The following RALYL variants were observed in gnomAD, a reference collection of about 807,000 sequenced individuals.
RALYL encodes the protein RNA-binding Raly-like protein.
RALYL carries 29 observed loss-of-function variants against 35.1 expected under a neutral mutation model. That is an observed-to-expected ratio of 0.83 (90% CI 0.61 to 1.13). RALYL has a LOEUF of 1.13. RALYL is among the 50% of genes most tolerant of loss of function. The pLI is 0.00. For missense variants in RALYL, 359 were observed against 360.4 expected (o/e 1.00, Z 0.03); for synonymous variants, 120 against 127.6 (o/e 0.94, Z 0.40).
At position 84,613,424 on chromosome 8, in the gene RALYL, T is replaced by C. The variant is rs1237439858; in HGVS notation, c.256+83847T>C. Among the ~76,000 whole-genome samples the C allele has an allele frequency of 2.6e-5, 4 of 151,696 alleles. No homozygotes were observed. The East Asian group carries it at 7.7e-4, about 29-fold the overall frequency. On this transcript the variant is annotated intron_variant, in intron 2 of 8. Transcript: ENST00000521268. ...TCCTGACTCTTAATGATAATAATAA[T>C]GATAACCATAGAATCCACCGGATGT...
chr8:84,321,178 C>A (rs893729119), intron 1 of RALYL, among the ~76,000 whole-genome samples: 2 of 152,022 alleles, frequency 1.3e-5, no homozygotes, highest in African/African-American at 2.4e-5. Context: ...GTGTATTTTA[C>A]CACCATTATA....
intron 2 of RALYL, among the ~76,000 whole-genome samples, chr8:84,553,442 C>A (rs1425849382): frequency 1.3e-5 from 2 of 152,118 alleles, no homozygotes; most frequent in Non-Finnish European, 1.5e-5. Context: ...CAGGTGTGAG[C>A]CACTGTCCCC....
chr8:84,664,406 T>TG (rs1831559731), intron 2 of RALYL, among the ~76,000 whole-genome samples: 1 of 151,958 alleles, frequency 6.6e-6, no homozygotes, highest in South Asian at 2.1e-4. Flanking sequence ...GCATTGAATT[T>TG]ATAAATTCCC....
chr8:84,862,934 G>A (rs1359960029), intron 6 of RALYL, among the ~76,000 whole-genome samples: 4 of 152,110 alleles, frequency 2.6e-5, no homozygotes, highest in African/African-American at 4.8e-5. Context: ...TAAGATATAT[G>A]TATCTGAAGA....
chr8:84,552,472 C>G (rs1157348547), intron 2 of RALYL, among the ~76,000 whole-genome samples: 1 of 139,890 alleles, frequency 7.1e-6, no homozygotes, highest in African/African-American at 2.7e-5. Context: ...CCAATATGAA[C>G]TCACTCATAT....
Position 84,529,435 on chromosome 8 carries a change from T to C in RALYL, c.114T>C (p.Ile38=), listed in dbSNP as rs745502644. 1 of 1,613,546 alleles carries C rather than the reference T, an allele frequency of 6.2e-7. No homozygotes were observed. The highest frequency in any genetic ancestry group is 8.5e-7 in the Non-Finnish European group (1 of 1,179,724). Residue 38 remains isoleucine (I), a synonymous_variant, in exon 2 of 9, where the codon ATT becomes ATC. Transcript: ENST00000521268. ...CGGCAATTGTCAAGAAAGTTGACAT[T>C]GAAGCCATTTTTTCAAAGTATGGAA... ...LNTAIVKKVD[I]EAIFSKYGKI... is the part of the protein sequence containing the mutation.
At chr8:84,867,922 C>T (rs1409182482) in intron 6 of RALYL, among the ~76,000 whole-genome samples, 1 of 151,996 alleles carries the variant, frequency 6.6e-6, no homozygotes, top group Non-Finnish European at 1.5e-5. Flanking sequence ...TGGTCGGGGG[C>T]AGGGGGGACC....
At chr8:84,536,290 T>C (rs1206770252) in intron 2 of RALYL, among the ~76,000 whole-genome samples, 1 of 152,170 alleles carries the variant, frequency 6.6e-6, no homozygotes, top group Non-Finnish European at 1.5e-5. Flanking sequence ...GTACCAAGAT[T>C]ACTCAGAGGC....
chr8:84,371,934 C>T (rs1193167670), intron 1 of RALYL, among the ~76,000 whole-genome samples: 1 of 151,990 alleles, frequency 6.6e-6, no homozygotes, highest in Admixed American at 6.6e-5. Context: ...GATATTGATG[C>T]TGTGTGCAGC....
At chr8:84,221,286 G>GGT (rs34244361) in intron 1 of RALYL, among the ~76,000 whole-genome samples, 1,633 of 150,672 alleles carry the variant, frequency 0.011, 32 homozygotes, top group African/African-American at 0.036. Flanking sequence ...ATGGAAAGCG[G>GGT]GTGTGTGTGT....
intron 1 of RALYL, among the ~76,000 whole-genome samples, chr8:84,352,487 T>C (rs539836955): frequency 1.3e-5 from 2 of 150,462 alleles, no homozygotes; most frequent in South Asian, 2.1e-4. Context: ...TGAGAGTGTA[T>C]ACCACTTTTG....
At chr8:84,618,522 T>C (rs1820423863) in intron 2 of RALYL, among the ~76,000 whole-genome samples, 1 of 139,634 alleles carries the variant, frequency 7.2e-6, no homozygotes, top group East Asian at 2.1e-4. Context: ...CTATCAATTT[T>C]GTTGATCCTT....
intron 1 of RALYL, among the ~76,000 whole-genome samples, chr8:84,257,917 AT>A (rs1563622467): frequency 6.6e-6 from 1 of 152,308 alleles, no homozygotes; most frequent in East Asian, 1.9e-4. Flanking sequence ...GACTATTTGG[AT>A]AAAACTGCCT....
At chr8:84,448,319 T>C (rs1253317848) in intron 1 of RALYL, among the ~76,000 whole-genome samples, 1 of 152,076 alleles carries the variant, frequency 6.6e-6, no homozygotes, top group African/African-American at 2.4e-5. Flanking sequence ...ACGTTGTGCC[T>C]GTGGTGGGCA....
chr8:84,860,571 C>A (rs1271487666), intron 5 of RALYL, among the ~76,000 whole-genome samples: 1 of 152,140 alleles, frequency 6.6e-6, no homozygotes, highest in Non-Finnish European at 1.5e-5. Context: ...GATTCTCAAG[C>A]CCCTAGTGGT....
chr8:84,615,570 CTTTTTTTTTTTTTT>C (rs60428128), intron 2 of RALYL, among the ~76,000 whole-genome samples: 10 of 67,364 alleles, frequency 1.5e-4, no homozygotes, highest in Non-Finnish European at 2.4e-4. Flanking sequence ...GAACTTTCGT[CTTTTTTTTTTTTTT>C]TTTTTTTTTT....
At chr8:84,861,489 A>G (rs1238958191) in intron 5 of RALYL, among the ~76,000 whole-genome samples, 1 of 152,078 alleles carries the variant, frequency 6.6e-6, no homozygotes, top group Non-Finnish European at 1.5e-5. Flanking sequence ...GGTGAATATC[A>G]TTTTTCACTT....
intron 4 of RALYL, among the ~76,000 whole-genome samples, chr8:84,823,611 C>T (rs557066916): frequency 6.6e-6 from 1 of 152,086 alleles, no homozygotes; most frequent in Admixed American, 6.5e-5. Context: ...TTCAACTTCC[C>T]TCTCCCTTTC....
intron 1 of RALYL, among the ~76,000 whole-genome samples, chr8:84,229,352 T>A (rs189046982): frequency 6.6e-6 from 1 of 152,064 alleles, no homozygotes. Flanking sequence ...TTGAACTGAG[T>A]CTTGAGAAAT....
Sources: gnomAD v4.1 joint callset for allele counts (sites outside exome capture counted in the v4.1 genomes callset) on GRCh38, gnomAD v4.1.1 for gene constraint, MANE v1.5 for transcripts, NCBI Gene and HGNC (gene_info 2026-07-23, HGNC 2026-07-21) for gene names.